The following STAU2 variants were observed in gnomAD, a reference collection of about 807,000 sequenced individuals.
STAU2 encodes the protein staufen double-stranded RNA binding protein 2.
STAU2 carries 20 observed loss-of-function variants against 65.9 expected under a neutral mutation model. The observed-to-expected ratio is 0.30, with a 90% CI of 0.21 to 0.44. The LOEUF (loss-of-function observed/expected upper bound fraction) is 0.44, where lower values mean the gene tolerates loss of function less well. Among genes scored for constraint, STAU2 ranks in the 20% least tolerant of loss-of-function variants. The pLI, the probability that STAU2 is intolerant of heterozygous loss-of-function variation, is 1.00. For missense variants in STAU2, 558 were observed against 683.9 expected (o/e 0.82, Z 2.05); for synonymous variants, 232 against 233.9 (o/e 0.99, Z 0.07).
intron 13 of STAU2, among the ~76,000 whole-genome samples, chr8:73,525,231 T>C (rs937287970): frequency 1.3e-5 from 2 of 152,230 alleles, no homozygotes; most frequent in African/African-American, 4.8e-5. Context: ...TATAAAATAG[T>C]TGTATTTGCT....
At chr8:73,581,442 A>G (rs960148571) in intron 12 of STAU2, among the ~76,000 whole-genome samples, 1 of 152,226 alleles carries the variant, frequency 6.6e-6, no homozygotes, top group Non-Finnish European at 1.5e-5. Context: ...CATTTTTATA[A>G]AAGACAAGAG....
intron 6 of STAU2, among the ~76,000 whole-genome samples, chr8:73,628,437 C>G (rs908151996): frequency 6.6e-6 from 1 of 152,046 alleles, no homozygotes; most frequent in Non-Finnish European, 1.5e-5. Context: ...CAGAATCTTA[C>G]GTACTAAAAA....
chr8:73,731,446 T>C (rs1806063479), intron 3 of STAU2, among the ~76,000 whole-genome samples: 1 of 152,228 alleles, frequency 6.6e-6, no homozygotes, highest in African/African-American at 2.4e-5. Context: ...AAACTGCCTC[T>C]AGGCTCTGCA....
intron 13 of STAU2, among the ~76,000 whole-genome samples, chr8:73,548,069 G>A (rs1399662533): frequency 2.6e-5 from 4 of 151,990 alleles, no homozygotes; most frequent in African/African-American, 9.7e-5. Context: ...GGACTTGAGC[G>A]TCCATGAACT....
At chr8:73,470,528 C>T (rs1405900738) in intron 13 of STAU2, among the ~76,000 whole-genome samples, 1 of 152,148 alleles carries the variant, frequency 6.6e-6, no homozygotes, top group East Asian at 1.9e-4. Context: ...CCAGGCGCAG[C>T]AGCTCTCGCC....
chr8:73,631,005 G>A (rs1285845711), intron 6 of STAU2, among the ~76,000 whole-genome samples: 1 of 152,102 alleles, frequency 6.6e-6, no homozygotes, highest in African/African-American at 2.4e-5. Context: ...ATACCCGGGA[G>A]AACATCACTT....
intron 12 of STAU2, among the ~76,000 whole-genome samples, chr8:73,558,860 CA>C (rs1370751495): frequency 6.6e-6 from 1 of 151,918 alleles, no homozygotes; most frequent in East Asian, 1.9e-4. Context: ...TACGCCTCAA[CA>C]ATGTTGGACT....
At chr8:73,692,737 C>G (rs536652805) in intron 4 of STAU2, among the ~76,000 whole-genome samples, 1 of 152,278 alleles carries the variant, frequency 6.6e-6, no homozygotes, top group South Asian at 2.1e-4. Context: ...CCTTAACCTG[C>G]AGGGTCTGCA....
chr8:73,629,684 T>C (rs759374057), intron 6 of STAU2, among the ~76,000 whole-genome samples: 1 of 152,128 alleles, frequency 6.6e-6, no homozygotes, highest in Non-Finnish European at 1.5e-5. Context: ...GTAACACACT[T>C]TGGGGGGTTC....
Position 73,552,261 on chromosome 8 carries a change from G to T in STAU2, c.1281C>A (p.Arg427=). 1 of 1,613,816 alleles carries T rather than the reference G, an allele frequency of 6.2e-7. No homozygotes were observed. Residue 427 remains arginine, a synonymous_variant, in exon 13 of 15, where the codon CGC becomes CGA. Coordinates refer to ENST00000524300, the MANE Select transcript of STAU2 (RefSeq NM_001164380.2). ...GAGTAGTGCCAGAGATTACTTTGTGGCGGCTGGCTTCCATCTCTTGATAAA... is the reference window on the plus strand; with the variant it reads ...GAGTAGTGCCAGAGATTACTTTGTGTCGGCTGGCTTCCATCTCTTGATAAA... ...PDVYQEMEAS[R]HKVISGTTLG... is the part of the protein sequence containing the mutation.
At chr8:73,671,953 A>G (rs948930535) in intron 6 of STAU2, among the ~76,000 whole-genome samples, 5 of 152,066 alleles carry the variant, frequency 3.3e-5, no homozygotes, top group Admixed American at 3.3e-4. Context: ...TGAACCCGGG[A>G]GGCTGTGGGT....
intron 10 of STAU2, among the ~76,000 whole-genome samples, chr8:73,596,702 A>G (rs1241973611): frequency 6.6e-6 from 1 of 152,118 alleles, no homozygotes; most frequent in African/African-American, 2.4e-5. Context: ...AATTTTAATT[A>G]GCTAGGCATG....
chr8:73,540,378 G>A (rs928215636), intron 13 of STAU2, among the ~76,000 whole-genome samples: 1 of 152,300 alleles, frequency 6.6e-6, no homozygotes, highest in East Asian at 1.9e-4. Flanking sequence ...AAGAGGCACA[G>A]AACAGATTCT....
At chr8:73,448,650 C>T (rs2128894031) in intron 13 of STAU2, among the ~76,000 whole-genome samples, 1 of 152,336 alleles carries the variant, frequency 6.6e-6, no homozygotes, top group South Asian at 2.1e-4. Flanking sequence ...TGCTCAGAAA[C>T]TGGGGTCTCA....
intron 6 of STAU2, chr8:73,651,144 C>A: frequency 7.8e-7 from 1 of 1,277,528 alleles, no homozygotes; most frequent in East Asian, 2.5e-5. Context: ...CCCTGGGGAG[C>A]CTCCCTGGCC....
At chr8:73,543,284 C>A (rs1014237192) in intron 13 of STAU2, among the ~76,000 whole-genome samples, 1 of 152,044 alleles carries the variant, frequency 6.6e-6, no homozygotes, top group Non-Finnish European at 1.5e-5. Flanking sequence ...GCGGCAAGGG[C>A]GGAGGCAAAT....
intron 12 of STAU2, among the ~76,000 whole-genome samples, chr8:73,570,869 G>A (rs899471732): frequency 2.0e-5 from 3 of 152,256 alleles, no homozygotes; most frequent in Non-Finnish European, 4.4e-5. Context: ...AAGTGAAGGA[G>A]AAATAAAATC....
At chr8:73,426,696 G>C (rs1816847832) in intron 13 of STAU2, among the ~76,000 whole-genome samples, 1 of 151,810 alleles carries the variant, frequency 6.6e-6, no homozygotes, top group African/African-American at 2.4e-5. Context: ...ATGGTTTTTT[G>C]TCCGTTCATC....
chr8:73,605,842 TACACACAC>T (rs1176899097), intron 9 of STAU2, among the ~76,000 whole-genome samples: 33,166 of 118,412 alleles, frequency 0.28, 4,122 homozygotes, highest in Middle Eastern at 0.36. Flanking sequence ...CACATACACA[TACACACAC>T]ACACACACAC....
Sources: allele counts gnomAD v4.1 joint callset (sites outside exome capture counted in the v4.1 genomes callset), GRCh38; gene constraint gnomAD v4.1.1; transcripts MANE v1.5; gene names NCBI Gene and HGNC (gene_info 2026-07-23, HGNC 2026-07-21).